Variants in MS4A4E observed in about 807,000 individuals in gnomAD.
MS4A4E encodes membrane spanning 4-domains A4E.
MS4A4E carries 23 observed loss-of-function variants against 13.3 expected under a neutral mutation model. The observed-to-expected ratio is 1.73, with a 90% CI of 1.25 to 2.45. The LOEUF is 2.45. Among genes scored for constraint, MS4A4E ranks in the 30% most tolerant of loss-of-function variants. The pLI, the probability that MS4A4E is intolerant of heterozygous loss-of-function variation, is 0.00. For synonymous variants in MS4A4E, 36 were observed against 45.6 expected (o/e 0.79, Z 0.85); for missense variants, 144 against 131.2 (o/e 1.10, Z -0.48).
chr11:60,209,426 C>A (rs927273672), intron 5 of MS4A4E, among the ~76,000 whole-genome samples: 3 of 152,218 alleles, frequency 2.0e-5, no homozygotes, highest in Admixed American at 2.0e-4. Flanking sequence ...GTTGCCTAAG[C>A]CTTCAGAAAG....
intron 5 of MS4A4E, among the ~76,000 whole-genome samples, chr11:60,209,475 A>G (rs1245207914): frequency 6.6e-6 from 1 of 152,206 alleles, no homozygotes; most frequent in East Asian, 1.9e-4. Flanking sequence ...GCCCAGTGAG[A>G]CCCACTTTGA....
At position 60,200,776 on chromosome 11, in the gene MS4A4E, C is replaced by T. The variant is rs1031009070; in HGVS notation, c.*767G>A. On this transcript the variant is annotated 3_prime_UTR_variant, in exon 9 of 9. Transcript: ENST00000651255. ...TCTATTCCACAAAACCGCCATTGTCCTCATGGCCCGTTCTCAATGAGCTAT... is the reference window on the plus strand; with the variant it reads ...TCTATTCCACAAAACCGCCATTGTCTTCATGGCCCGTTCTCAATGAGCTAT... Among the ~76,000 whole-genome samples, 1 of 152,264 alleles carries T rather than the reference C, an allele frequency of 6.6e-6. No individual in the cohort carries two copies. Among genetic ancestry groups the T allele is most frequent in the Non-Finnish European group, 1.5e-5 (1 of 68,048 alleles).
At chr11:60,238,083 AT>A (rs201154950) in intron 1 of MS4A4E, among the ~76,000 whole-genome samples, 2 of 149,196 alleles carry the variant, frequency 1.3e-5, no homozygotes, top group Admixed American at 6.7e-5. Flanking sequence ...CTGCTTGCTA[AT>A]TTTTTTTTAG....
At chr11:60,208,951 T>A (rs2084083176) in intron 5 of MS4A4E, 1 of 204,264 alleles carries the variant, frequency 4.9e-6, no homozygotes, top group African/African-American at 2.3e-5. Flanking sequence ...AAGATGAAAG[T>A]GCTTTAAAAT....
Position 60,200,935 on chromosome 11 carries a change from C to T in MS4A4E, c.*608G>A, listed in dbSNP as rs1402749250. On this transcript the variant is annotated 3_prime_UTR_variant, in exon 9 of 9. Coordinates refer to ENST00000651255, the MANE Select transcript of MS4A4E (RefSeq NM_001393391.1). ...GGGCGGGGGGCTGACCCCTCCACCT[C>T]CCTCCCGGACGGGGCGGCTGGCCGG... 1.4e-5 allele frequency among the ~76,000 whole-genome samples: 2 copies of T among 147,154 alleles called. No individual in the cohort carries two copies. The highest frequency in any genetic ancestry group is 3.0e-5 in the Non-Finnish European group (2 of 66,598).
intron 1 of MS4A4E, among the ~76,000 whole-genome samples, chr11:60,240,014 T>A (rs2084528971): frequency 6.6e-6 from 1 of 152,190 alleles, no homozygotes; most frequent in South Asian, 2.1e-4. Flanking sequence ...ATTTCAAACA[T>A]TAGAAGACCA....
chr11:60,232,826 G>A (rs1262667486), intron 1 of MS4A4E, among the ~76,000 whole-genome samples: 1 of 151,970 alleles, frequency 6.6e-6, no homozygotes, highest in Non-Finnish European at 1.5e-5. Flanking sequence ...CTATGCACAC[G>A]TGGAAGCCAT....
chr11:60,218,751 G>A (rs879766067), intron 3 of MS4A4E, among the ~76,000 whole-genome samples: 1 of 152,156 alleles, frequency 6.6e-6, no homozygotes, highest in Non-Finnish European at 1.5e-5. Flanking sequence ...GGTTCAGAAT[G>A]CGATACACAA....
chr11:60,229,828 C>T (rs2084385540), intron 2 of MS4A4E, 84 bp downstream of exon 2: 22 of 1,376,582 alleles, frequency 1.6e-5, no homozygotes, highest in Non-Finnish European at 1.6e-5. Context: ...ATGAGGCTAG[C>T]GGGACAGTGT....
At chr11:60,237,360 TA>T (rs1452735636) in intron 1 of MS4A4E, among the ~76,000 whole-genome samples, 1 of 152,242 alleles carries the variant, frequency 6.6e-6, no homozygotes, top group African/African-American at 2.4e-5. Flanking sequence ...GATGGGCATT[TA>T]AGTTGATTCC....
At chr11:60,230,156 GACAA>G in intron 1 of MS4A4E, 85 bp from the exon 2 acceptor site, 1 of 1,410,286 alleles carries the variant, frequency 7.1e-7, no homozygotes, top group South Asian at 1.5e-5. Context: ...CCTCCCTAAG[GACAA>G]AACCTGGTCT....
chr11:60,242,941 C>T lies in MS4A4E; in HGVS notation c.-17+17G>A, dbSNP rs947271905. ...CTATCAGTCCGAGAGCCTAGGAAGG[C>T]AAGTCCCTGGACCTACCTTTCTTCA... On this transcript the variant is annotated intron_variant, in intron 1 of 8. Transcript: ENST00000651255. The T allele has an allele frequency of 5.8e-6, 9 of 1,556,918 alleles. No individual in the cohort carries two copies. In the Admixed American group the frequency reaches 1.4e-4, roughly 24 times the overall value.
chr11:60,201,453 C>T lies in MS4A4E; in HGVS notation c.*90G>A, dbSNP rs1205081924. The T allele has an allele frequency of 1.9e-4, 41 of 218,216 alleles. No individual in the cohort carries two copies. Among genetic ancestry groups the T allele is most frequent in the Non-Finnish European group, 2.7e-4 (29 of 106,668 alleles). The allele number at this position is 218,216 out of a possible 1,614,324, so 13.5% of individuals were successfully genotyped here. A position where few individuals can be genotyped will look rare whatever the true frequency, so the allele number is the denominator to read the frequency against. On this transcript the variant is annotated 3_prime_UTR_variant, in exon 9 of 9. Coordinates refer to ENST00000651255, the MANE Select transcript of MS4A4E (RefSeq NM_001393391.1). ...CTCAGATGGGGCGGCTGGGCAGAGA[C>T]GCTCCTCACCTCCCAGACGGGGTCG...
At chr11:60,238,757 A>C (rs1245320375) in intron 1 of MS4A4E, among the ~76,000 whole-genome samples, 1 of 152,138 alleles carries the variant, frequency 6.6e-6, no homozygotes, top group Non-Finnish European at 1.5e-5. Context: ...TAGATTACTG[A>C]GCCCTATAGA....
chr11:60,217,247 G>A (rs568045779), intron 3 of MS4A4E, among the ~76,000 whole-genome samples: 6 of 152,226 alleles, frequency 3.9e-5, no homozygotes, highest in Non-Finnish European at 5.9e-5. Flanking sequence ...TTTATCATGC[G>A]ATTTGCTGAC....
At chr11:60,234,788 C>CCA (rs1554987286) in intron 1 of MS4A4E, among the ~76,000 whole-genome samples, 1 of 140,966 alleles carries the variant, frequency 7.1e-6, no homozygotes, top group African/African-American at 2.7e-5. Flanking sequence ...CCCCCCCCCC[C>CCA]AAAATAACAA....
At chr11:60,235,072 A>G (rs2084466112) in intron 1 of MS4A4E, among the ~76,000 whole-genome samples, 1 of 152,222 alleles carries the variant, frequency 6.6e-6, no homozygotes. Flanking sequence ...GTCATCATTT[A>G]ATGAGCAATT....
At chr11:60,210,869 C>G (rs887560827) in intron 5 of MS4A4E, among the ~76,000 whole-genome samples, 3 of 152,220 alleles carry the variant, frequency 2.0e-5, no homozygotes. Context: ...AATAGGAATT[C>G]ATCATGACCT....
intron 8 of MS4A4E, among the ~76,000 whole-genome samples, chr11:60,203,381 A>G: frequency 6.6e-6 from 1 of 152,294 alleles, no homozygotes; most frequent in East Asian, 1.9e-4. Flanking sequence ...TTTATAGATG[A>G]GGAAACTGAA....
Sources: gnomAD v4.1 joint callset for allele counts (sites outside exome capture counted in the v4.1 genomes callset) on GRCh38, gnomAD v4.1.1 for gene constraint, MANE v1.5 for transcripts, NCBI Gene and HGNC (gene_info 2026-07-23, HGNC 2026-07-21) for gene names.